Variants in C11orf65 observed in about 807,000 individuals in gnomAD.
C11orf65 encodes the protein chromosome 11 open reading frame 65.
Under a neutral mutation model 35.3 loss-of-function variants are expected in C11orf65, and 38 were observed. That is an observed-to-expected ratio of 1.08 (90% CI 0.83 to 1.41). The LOEUF (loss-of-function observed/expected upper bound fraction) is 1.41. Ranked by LOEUF, C11orf65 falls within the 40% of genes most tolerant of loss-of-function variation. The pLI, the probability that C11orf65 is intolerant of heterozygous loss-of-function variation, is 0.00. For missense variants in C11orf65, 370 were observed against 367.1 expected (o/e 1.01, Z -0.06); for synonymous variants, 105 against 114.4 (o/e 0.92, Z 0.53).
intron 2 of C11orf65, chr11:108,366,664 T>A (rs2091347490): frequency 4.3e-6 from 1 of 231,278 alleles, no homozygotes; most frequent in South Asian, 1.8e-4. Flanking sequence ...GGCTTTAGGG[T>A]TTCCATACCT....
At chr11:108,377,970 C>T (rs1298448216), downstream of C11orf65, among the ~76,000 whole-genome samples, 4 of 150,522 alleles carry the variant, frequency 2.7e-5, no homozygotes, top group South Asian at 2.1e-4. Flanking sequence ...CACTGCTCAA[C>T]GAAATAAAAG....
intron 3 of C11orf65, among the ~76,000 whole-genome samples, chr11:108,334,289 G>T (rs2086593814): frequency 6.6e-6 from 1 of 152,112 alleles, no homozygotes; most frequent in South Asian, 2.1e-4. Flanking sequence ...TGGCAAGGAA[G>T]GTTCCAATTG....
chr11:108,365,203 G>C (rs1555151500), intron 2 of C11orf65: 1 of 1,614,210 alleles, frequency 6.2e-7, no homozygotes, highest in African/African-American at 1.3e-5. Context: ...GACCAAGAAT[G>C]CAAACGAAAT....
chr11:108,339,384 C>T (rs2087231483), intron 2 of C11orf65, among the ~76,000 whole-genome samples: 1 of 152,096 alleles, frequency 6.6e-6, no homozygotes, highest in Admixed American at 6.5e-5. Flanking sequence ...GAGCATCTAT[C>T]TCAGTCATGG....
Position 108,403,888 on chromosome 11 carries a change from G to A in C11orf65, c.560+1541C>T, listed in dbSNP as rs182609357. ...GGATAGTGCGAGGATAGCAGTGGCT[G>A]GGGGGAAAGGCTGACTGATTCCAAG... On this transcript the variant is annotated intron_variant, in intron 6 of 8. Transcript: ENST00000393084. Among the ~76,000 whole-genome samples, 1,216 of 152,000 alleles carry A rather than the reference G, an allele frequency of 8.0e-3. 7 individuals are homozygous for A. The highest frequency in any genetic ancestry group is 0.014 in the Non-Finnish European group (925 of 67,914).
At chr11:108,446,488 A>C (rs1176770424) in intron 2 of C11orf65, among the ~76,000 whole-genome samples, 6 of 151,872 alleles carry the variant, frequency 4.0e-5, no homozygotes, top group African/African-American at 1.2e-4. Flanking sequence ...CAACATTCTT[A>C]AAGAAAAGAA....
At chr11:108,427,617 G>A (rs2092922122) in intron 3 of C11orf65, among the ~76,000 whole-genome samples, 1 of 144,802 alleles carries the variant, frequency 6.9e-6, no homozygotes, top group Middle Eastern at 3.2e-3. Flanking sequence ...AGCTACACGG[G>A]AGGCTGAGGC....
chr11:108,397,545 G>C (rs937203969), intron 6 of C11orf65, among the ~76,000 whole-genome samples: 4 of 152,208 alleles, frequency 2.6e-5, no homozygotes, highest in South Asian at 2.1e-4. Flanking sequence ...GTTGAGGAAA[G>C]CTAAGATCTA....
chr11:108,332,965 G>A (rs945525041), intron 3 of C11orf65: 13 of 1,551,316 alleles, frequency 8.4e-6, no homozygotes, highest in Non-Finnish European at 1.1e-5. Context: ...AGATATATTA[G>A]TTATAGAGCC....
In C11orf65 at chr11:108,431,677, C is replaced by A. The variant is rs11212629; in HGVS notation, c.174+69G>T. On this transcript the variant is annotated intron_variant, in intron 3 of 8. Coordinates refer to ENST00000393084, the MANE Select transcript of C11orf65 (RefSeq NM_152587.5). ...AAAAGAAACAAATATGATGAGCACACTGAATTGATAAAGTAATCACATTTT... is the reference window on the plus strand; with the variant it reads ...AAAAGAAACAAATATGATGAGCACAATGAATTGATAAAGTAATCACATTTT... 2,746 of 813,714 alleles carry A rather than the reference C, an allele frequency of 3.4e-3. 62 individuals carry two copies. In the African/African-American group the frequency reaches 0.042, roughly 12 times the overall value. 50.4% of individuals were successfully genotyped at this position (813,714 alleles called of 1,614,324 possible).
At chr11:108,403,712 T>C (rs1000780883) in intron 6 of C11orf65, among the ~76,000 whole-genome samples, 2 of 152,252 alleles carry the variant, frequency 1.3e-5, no homozygotes, top group Non-Finnish European at 2.9e-5. Context: ...TCAAGTTTCA[T>C]TTTTCTGCAT....
intron 2 of C11orf65, among the ~76,000 whole-genome samples, chr11:108,357,331 C>T (rs1368638190): frequency 6.6e-6 from 1 of 152,204 alleles, no homozygotes; most frequent in African/African-American, 2.4e-5. Flanking sequence ...GCACAGCAGT[C>T]TGAGATCAAA....
At chr11:108,311,999 A>G (rs1009899449) in intron 6 of C11orf65, among the ~76,000 whole-genome samples, 2 of 152,196 alleles carry the variant, frequency 1.3e-5, no homozygotes, top group African/African-American at 4.8e-5. Flanking sequence ...AGTTAATATC[A>G]GATGTCTTAA....
chr11:108,448,176 T>A (rs1218165804), intron 2 of C11orf65, among the ~76,000 whole-genome samples: 1 of 152,144 alleles, frequency 6.6e-6, no homozygotes, highest in South Asian at 2.1e-4. Flanking sequence ...CAGGACCAGA[T>A]GGATTCACAG....
intron 3 of C11orf65, among the ~76,000 whole-genome samples, chr11:108,412,579 T>A (rs1243104142): frequency 1.3e-5 from 2 of 152,024 alleles, no homozygotes; most frequent in South Asian, 2.1e-4. Flanking sequence ...ACGCAAAAAA[T>A]TTTAAAATTA....
Position 108,353,785 on chromosome 11 carries a change from C to T in C11orf65, c.227-18493G>A, listed in dbSNP as rs1555142814. 1 of 1,613,798 alleles carries T rather than the reference C, an allele frequency of 6.2e-7. No individual in the cohort carries two copies. Among genetic ancestry groups the T allele is most frequent in the African/African-American group, 1.3e-5 (1 of 74,898 alleles). ...CTTTAGGTGTTGCTTTTGAACAGGG[C>T]AAAATCCTTCCTACTCCTGAGACAG... On this transcript the variant is annotated intron_variant, in intron 2 of 3. Transcript: ENST00000524755.
intron 6 of C11orf65, chr11:108,321,458 G>T: frequency 6.2e-7 from 1 of 1,613,416 alleles, no homozygotes; most frequent in Non-Finnish European, 8.5e-7. Flanking sequence ...CTAAAGTGCA[G>T]CTTTTCTGTT....
At chr11:108,449,630 T>A (rs1210878815) in intron 2 of C11orf65, among the ~76,000 whole-genome samples, 2 of 151,944 alleles carry the variant, frequency 1.3e-5, no homozygotes, top group African/African-American at 4.9e-5. Context: ...GATACAAAAA[T>A]TAACTCAAGA....
intron 3 of C11orf65, among the ~76,000 whole-genome samples, chr11:108,409,474 T>A (rs960581611): frequency 6.6e-6 from 1 of 152,178 alleles, no homozygotes; most frequent in Admixed American, 6.5e-5. Context: ...GAAAGTGATA[T>A]GCATTCAGTA....
Sources: allele counts gnomAD v4.1 joint callset (sites outside exome capture counted in the v4.1 genomes callset), GRCh38; gene constraint gnomAD v4.1.1; transcripts MANE v1.5; gene names NCBI Gene and HGNC (gene_info 2026-07-23, HGNC 2026-07-21).